PABPC4L: variants seen among roughly 807,000 people sequenced by gnomAD.
PABPC4L encodes polyadenylate-binding protein 4-like.
For synonymous variants in PABPC4L, 169 were observed against 164.1 expected, an observed-to-expected ratio of 1.03 and a Z score of -0.23; for missense variants, 452 against 451.4, an observed-to-expected ratio of 1.00 and a Z score of -0.01.
the PABPC4L span, among the ~76,000 whole-genome samples, chr4:134,160,713 C>G: frequency 6.6e-6 from 1 of 151,940 alleles, no homozygotes. Flanking sequence ...CCATCTCTCT[C>G]AAAATATTAG....
chr4:134,166,789 C>T, the PABPC4L span, among the ~76,000 whole-genome samples: 1 of 152,140 alleles, frequency 6.6e-6, no homozygotes, highest in African/African-American at 2.4e-5. Flanking sequence ...CCAGAGGTGC[C>T]CAACTTAAAA....
the PABPC4L span, among the ~76,000 whole-genome samples, chr4:134,159,959 A>T: frequency 6.6e-6 from 1 of 152,186 alleles, no homozygotes; most frequent in East Asian, 1.9e-4. Context: ...ATCACCAAGC[A>T]GATTTATAAA....
chr4:134,127,926 G>GA, the PABPC4L span, among the ~76,000 whole-genome samples: 4 of 151,878 alleles, frequency 2.6e-5, no homozygotes, highest in African/African-American at 9.7e-5. Flanking sequence ...GGATATGAAT[G>GA]AAAAAATCTC....
the PABPC4L span, among the ~76,000 whole-genome samples, chr4:134,103,092 G>A: frequency 1.3e-5 from 2 of 151,302 alleles, no homozygotes; most frequent in South Asian, 2.1e-4. Context: ...GGTGTGGGCC[G>A]ATACTTAATT....
chr4:134,160,624 C>T, the PABPC4L span, among the ~76,000 whole-genome samples: 1 of 152,104 alleles, frequency 6.6e-6, no homozygotes, highest in African/African-American at 2.4e-5. Flanking sequence ...TGTCTATAAT[C>T]CCAGCTATTT....
the PABPC4L span, among the ~76,000 whole-genome samples, chr4:134,085,391 CATATT>C: frequency 1.3e-5 from 2 of 151,982 alleles, no homozygotes; most frequent in Non-Finnish European, 2.9e-5. Context: ...ACATATGTGA[CATATT>C]ATACATTCTG....
the PABPC4L span, among the ~76,000 whole-genome samples, chr4:134,037,991 C>T: frequency 5.3e-5 from 8 of 152,084 alleles, no homozygotes; most frequent in East Asian, 1.9e-4. Context: ...TTTTGAGATA[C>T]GTTTCATCAA....
chr4:134,127,538 C>G, the PABPC4L span, among the ~76,000 whole-genome samples: 1 of 152,126 alleles, frequency 6.6e-6, no homozygotes, highest in Admixed American at 6.6e-5. Context: ...GTGGCCAGAT[C>G]CAGAAGAGAA....
the PABPC4L span, among the ~76,000 whole-genome samples, chr4:134,057,689 A>C: frequency 1.3e-5 from 2 of 152,062 alleles, no homozygotes; most frequent in African/African-American, 4.8e-5. Flanking sequence ...GTGCGTATCT[A>C]TTCATGTTTT....
chr4:133,986,934 G>A, the PABPC4L span, among the ~76,000 whole-genome samples: 1 of 151,762 alleles, frequency 6.6e-6, no homozygotes, highest in Non-Finnish European at 1.5e-5. Context: ...TGGGGTTTTG[G>A]TATGTTGGCC....
In PABPC4L at chr4:134,197,666, A is replaced by G. The variant is rs1031612001; in HGVS notation, c.*2241T>C. Reference sequence around the variant, plus strand: ...GATCATGAGACATTAACTTATAAGTATGAAAATACAAATGGTCAGTGAGTA... The same window carrying G: ...GATCATGAGACATTAACTTATAAGTGTGAAAATACAAATGGTCAGTGAGTA... On this transcript the variant is annotated 3_prime_UTR_variant, in exon 2 of 2. Coordinates refer to ENST00000421491, the MANE Select transcript of PABPC4L (RefSeq NM_001114734.2). The G allele has an allele frequency of 1.3e-5, 2 of 151,844 alleles. No homozygotes were observed. Among genetic ancestry groups the G allele is most frequent in the Non-Finnish European group, 3.0e-5 (2 of 67,722 alleles). 9.4% of individuals were successfully genotyped at this position (151,844 alleles called of 1,614,324 possible). A position where few individuals can be genotyped will look rare whatever the true frequency, so the allele number is the denominator to read the frequency against.
the PABPC4L span, among the ~76,000 whole-genome samples, chr4:134,185,675 A>C: frequency 6.6e-6 from 1 of 152,138 alleles, no homozygotes; most frequent in African/African-American, 2.4e-5. Context: ...TAGTGTTGGA[A>C]GTTCTGGCCA....
At chr4:133,970,130 A>T in the PABPC4L span, among the ~76,000 whole-genome samples, 1 of 149,810 alleles carries the variant, frequency 6.7e-6, no homozygotes, top group East Asian at 1.9e-4. Flanking sequence ...ATATATTTCT[A>T]GTTTGTATCT....
the PABPC4L span, among the ~76,000 whole-genome samples, chr4:133,992,484 G>C: frequency 6.6e-6 from 1 of 152,106 alleles, no homozygotes; most frequent in Admixed American, 6.5e-5. Flanking sequence ...ACACACAGTG[G>C]GAGGATAGTG....
chr4:133,972,863 C>A, the PABPC4L span, among the ~76,000 whole-genome samples: 1 of 152,102 alleles, frequency 6.6e-6, no homozygotes, highest in East Asian at 1.9e-4. Context: ...TCATATAATA[C>A]AGTGCTGACA....
chr4:134,004,437 G>C, the PABPC4L span, among the ~76,000 whole-genome samples: 97 of 151,830 alleles, frequency 6.4e-4, no homozygotes, highest in African/African-American at 2.2e-3. Context: ...AAAATCACAA[G>C]GTGATATAAT....
At chr4:134,037,383 T>A in the PABPC4L span, among the ~76,000 whole-genome samples, 7 of 152,108 alleles carry the variant, frequency 4.6e-5, no homozygotes, top group Non-Finnish European at 1.0e-4. Flanking sequence ...TATGTTCCTA[T>A]GCATTTTATT....
At chr4:134,074,353 T>G in the PABPC4L span, among the ~76,000 whole-genome samples, 1 of 152,310 alleles carries the variant, frequency 6.6e-6, no homozygotes, top group South Asian at 2.1e-4. Flanking sequence ...CAGCCTGGAC[T>G]TCATCGTCCA....
chr4:134,162,541 A>G, the PABPC4L span, among the ~76,000 whole-genome samples: 1 of 152,174 alleles, frequency 6.6e-6, no homozygotes, highest in Non-Finnish European at 1.5e-5. Context: ...AGAACACTCT[A>G]CTCTAGAACT....
Sources: gnomAD v4.1 joint callset for allele counts (sites outside exome capture counted in the v4.1 genomes callset) on GRCh38, gnomAD v4.1.1 for gene constraint, MANE v1.5 for transcripts, NCBI Gene and HGNC (gene_info 2026-07-23, HGNC 2026-07-21) for gene names.